The following TRPV3 variants were observed in gnomAD, a reference collection of about 807,000 sequenced individuals.
TRPV3 encodes the protein VRL-3.
A neutral mutation model predicts 87.1 loss-of-function variants in TRPV3; 88 were observed. The ratio of observed to expected loss-of-function variants is 1.01; its 90% confidence interval spans 0.85 to 1.21. The LOEUF is 1.21. Among genes scored for constraint, TRPV3 ranks in the 50% most tolerant of loss-of-function variants. TRPV3 has a pLI of 0.00. For synonymous variants in TRPV3, 438 were observed against 423.3 expected (o/e 1.03, Z -0.43); for missense variants, 1,054 against 1,030.1 (o/e 1.02, Z -0.32).
chr17:3,524,147 A>G (rs759560322), intron 13 of TRPV3, 51 bp downstream of exon 13: 1 of 1,597,542 alleles, frequency 6.3e-7, no homozygotes, highest in Non-Finnish European at 8.5e-7. Context: ...TCCCCATCTG[A>G]AAAATGGCCA....
Position 3,557,596 on chromosome 17 carries a change from C to G in TRPV3, c.-3+80G>C, listed in dbSNP as rs1444961636. 1 of 152,272 alleles carries G rather than the reference C, an allele frequency of 6.6e-6. No individual in the cohort carries two copies. The highest frequency in any genetic ancestry group is 1.5e-5 in the Non-Finnish European group (1 of 68,110). The allele number at this position is 152,272 out of a possible 1,614,324, so 9.4% of individuals were successfully genotyped here. On this transcript the variant is annotated intron_variant, in intron 1 of 17. Transcript: ENST00000576742. The surrounding 1 kb of genome is among the most constrained non-coding windows in gnomAD (Gnocchi z 4.5). ...CTATTGGCCAAGGGCAGACATGGCC[C>G]AGAGGACCTCTGAGGGCCACGCTCT... is the stretch of plus-strand genomic sequence containing the variant.
intron 13 of TRPV3, among the ~76,000 whole-genome samples, chr17:3,523,579 A>C (rs2074265468): frequency 6.6e-6 from 1 of 151,922 alleles, no homozygotes; most frequent in South Asian, 2.1e-4. Flanking sequence ...ATTAGCCAAC[A>C]TGGTGGTGCG....
intron 11 of TRPV3, 151 bp downstream of exon 11, chr17:3,527,874 T>C (rs1225832037): frequency 1.6e-5 from 10 of 640,352 alleles, no homozygotes; most frequent in Middle Eastern, 4.2e-4. Context: ...GCCTTATCCA[T>C]TTTTTCCCAT....
chr17:3,541,037 G>T (rs2074454406), intron 6 of TRPV3, among the ~76,000 whole-genome samples: 1 of 152,200 alleles, frequency 6.6e-6, no homozygotes, highest in South Asian at 2.1e-4. Context: ...CCCATGAGAA[G>T]GGTTAAAGGC....
intron 2 of TRPV3, 95 bp from the exon 3 acceptor site, chr17:3,545,366 G>C (rs2074514343): frequency 1.1e-6 from 1 of 909,672 alleles, no homozygotes; most frequent in Non-Finnish European, 1.7e-6. Flanking sequence ...CCCCCATGCT[G>C]AGCACACACC....
rs540937906 is a variant in TRPV3 at position 3,528,197 on chromosome 17, A to G, written c.1402-71T>C. On this transcript the variant is annotated intron_variant, in intron 10 of 17. Transcript: ENST00000576742. This position sits in a 1 kb window ranked among gnomAD's most constrained non-coding sequence, Gnocchi z 4.2. The stretch of plus-strand genomic sequence containing the variant: ...CAGGGCTGGCACCAACTCTAGAGGG[A>G]CCAAAACCCAGGTGAAACACTCAAG... 8.4e-7 allele frequency: 1 copy of G among 1,189,038 alleles called. No homozygotes were observed. The highest frequency in any genetic ancestry group is 1.5e-5 in the African/African-American group (1 of 64,880). 73.7% of individuals were successfully genotyped at this position (1,189,038 alleles called of 1,614,324 possible). A position where few individuals can be genotyped will look rare whatever the true frequency, so the allele number is the denominator to read the frequency against.
intron 6 of TRPV3, among the ~76,000 whole-genome samples, chr17:3,540,565 T>C (rs984533240): frequency 1.3e-5 from 2 of 152,188 alleles, no homozygotes; most frequent in Admixed American, 6.5e-5. Context: ...CCAAAAAATA[T>C]GTACTAAGCG....
chr17:3,523,498 C>T (rs1353389954), intron 13 of TRPV3, among the ~76,000 whole-genome samples: 1 of 152,094 alleles, frequency 6.6e-6, no homozygotes, highest in African/African-American at 2.4e-5. Flanking sequence ...GCAGGTGGAT[C>T]ACCTGAGGTC....
chr17:3,530,347 C>T lies in TRPV3; in HGVS notation c.1066-144G>A. On this transcript the variant is annotated intron_variant, in intron 8 of 17. Coordinates refer to ENST00000576742, the MANE Select transcript of TRPV3 (RefSeq NM_145068.4). This position sits in a 1 kb window ranked among gnomAD's most constrained non-coding sequence, Gnocchi z 4.0. ...CTGCCTCTGCGCCTGGCGCCATGGC[C>T]CCTGGGCCCCGTCTTTATCTGTGGA... 1 of 725,634 alleles carries T rather than the reference C, an allele frequency of 1.4e-6. No individual in the cohort carries two copies. The allele number at this position is 725,634 out of a possible 1,614,324, so 44.9% of individuals were successfully genotyped here. A position where few individuals can be genotyped will look rare whatever the true frequency, so the allele number is the denominator to read the frequency against.
At position 3,513,132 on chromosome 17, in the gene TRPV3, T is replaced by C. The variant is rs752088215; in HGVS notation, c.*785A>G. 2 of 152,622 alleles carry C rather than the reference T, an allele frequency of 1.3e-5. No homozygotes were observed. Among genetic ancestry groups the C allele is most frequent in the Non-Finnish European group, 2.9e-5 (2 of 68,042 alleles). The allele number at this position is 152,622 out of a possible 1,614,324, so 9.5% of individuals were successfully genotyped here. ...TCTGGGCACCCTGAGGCCAAATATA[T>C]AATACTTACATCCAGCCCCAAAGCC... On this transcript the variant is annotated 3_prime_UTR_variant, in exon 18 of 18. Coordinates refer to ENST00000576742, the MANE Select transcript of TRPV3 (RefSeq NM_145068.4).
Position 3,532,700 on chromosome 17 carries a change from C to T in TRPV3, c.1022G>A (p.Gly341Asp), listed in dbSNP as rs754801892. ...GGCGGCCAGCTGCAGCGGCGTGAGG[C>T]CATCGTTGTTGCGAGTGGTCTCCAG... ...WELETTRNND[G>D]LTPLQLAAKM... The change falls in exon 8 of 18, where the codon GGC becomes GAC. Residue 341 changes from glycine (G) to aspartate (D), a missense_variant. Coordinates refer to ENST00000576742, the MANE Select transcript of TRPV3 (RefSeq NM_145068.4). 1.2e-5 allele frequency: 20 copies of T among 1,614,154 alleles called. No homozygotes were observed. In the South Asian group the frequency reaches 2.2e-4, roughly 18 times the overall value.
intron 12 of TRPV3, among the ~76,000 whole-genome samples, chr17:3,524,804 T>A (rs1200213023): frequency 6.4e-5 from 8 of 125,282 alleles, no homozygotes; most frequent in Admixed American, 6.2e-4. Flanking sequence ...AGACCTTGTC[T>A]CTACAAAAAA....
chr17:3,524,418 A>G (rs2074276629), intron 12 of TRPV3, 55 bp from the exon 13 acceptor site: 1 of 1,598,188 alleles, frequency 6.3e-7, no homozygotes. Flanking sequence ...CATCAGGGCA[A>G]AGATATGCAA....
rs982573589 is a variant in TRPV3, at chr17:3,526,886, G to T, written c.1545C>A (p.Ser515=). The part of the protein sequence containing the change: ...IFLLRPSDLQ[S]ILSDAWFHFV... ...AGTGGAACCAGGCATCCGAGAGGATGGACTGCAGATCCGAGGGTCTCAGCA... is the reference window on the plus strand; with the variant it reads ...AGTGGAACCAGGCATCCGAGAGGATTGACTGCAGATCCGAGGGTCTCAGCA... Residue 515 remains serine (S), a synonymous_variant, in exon 12 of 18, where the codon TCC becomes TCA. Transcript: ENST00000576742. 2 of 1,612,102 alleles carry T rather than the reference G, an allele frequency of 1.2e-6. No individual in the cohort carries two copies. Among genetic ancestry groups the T allele is most frequent in the Non-Finnish European group, 1.7e-6 (2 of 1,179,330 alleles).
intron 9 of TRPV3, 73 bp from the exon 10 acceptor site, chr17:3,529,068 G>T (rs2074326122): frequency 6.4e-7 from 1 of 1,552,110 alleles, no homozygotes. Flanking sequence ...AAGGCCTGCG[G>T]GAGCTCTGAG....
rs1458686548 is a variant in TRPV3, at chr17:3,554,780, G to T, written c.71C>A (p.Ala24Asp). 16 of 1,612,730 alleles carry T rather than the reference G, an allele frequency of 9.9e-6. No individual in the cohort carries two copies. Among genetic ancestry groups the T allele is most frequent in the East Asian group, 2.2e-5 (1 of 44,844 alleles). ...CGCCGGCCTCTTCTCTGGCAGGATG[G>T]CAGGGTTCCCACTGGGGGCAGCAAC... Reference protein sequence around the residue: ...KRVAAPSGNPAILPEKRPAEI... With the variant: ...KRVAAPSGNPDILPEKRPAEI... The change falls in exon 2 of 18, where the codon GCC (alanine) becomes GAC (aspartate). Residue 24 changes from alanine to aspartate, a missense_variant. Ala to Asp is a moderately radical substitution (Grantham distance 126, BLOSUM62 -2). Transcript: ENST00000576742.
At chr17:3,545,292 C>A (rs1376620189) in intron 2 of TRPV3, 21 bp from the exon 3 acceptor site, 5 of 1,575,060 alleles carry the variant, frequency 3.2e-6, no homozygotes, top group Non-Finnish European at 4.4e-6. Flanking sequence ...ACGGAGGAAG[C>A]CTGTTAGGGC....
chr17:3,527,749 G>A, intron 11 of TRPV3: 1 of 475,568 alleles, frequency 2.1e-6, no homozygotes, highest in Non-Finnish European at 3.8e-6. Flanking sequence ...GATCGGATGG[G>A]TGGATGGGGG....
At chr17:3,546,669 G>A (rs1479863966) in intron 2 of TRPV3, 1 of 455,946 alleles carries the variant, frequency 2.2e-6, no homozygotes, top group Non-Finnish European at 4.4e-6. Flanking sequence ...CAGATAGGTA[G>A]CAAAGTCCAG....
Sources: gnomAD v4.1 joint callset for allele counts (sites outside exome capture counted in the v4.1 genomes callset) on GRCh38, gnomAD v4.1.1 for gene constraint, Gnocchi (gnomAD v3.1) non-coding constraint, MANE v1.5 for transcripts, NCBI Gene and HGNC (gene_info 2026-07-23, HGNC 2026-07-21) for gene names.